CTSC: variants seen among roughly 807,000 people sequenced by gnomAD.
The protein encoded by CTSC is cathepsin C, also known as dipeptidyl peptidase 1.
Under a neutral mutation model 40.9 loss-of-function variants are expected in CTSC, and 37 were observed. The observed-to-expected ratio is 0.91, with a 90% CI of 0.70 to 1.19. The LOEUF is 1.19. CTSC is among the 50% of genes most tolerant of loss of function. The pLI is 0.00. For synonymous variants in CTSC, 232 were observed against 207.4 expected, an observed-to-expected ratio of 1.12 and a Z score of -1.02; for missense variants, 594 against 567.3, an observed-to-expected ratio of 1.05 and a Z score of -0.48.
rs749014522 is a variant in CTSC, at chr11:88,312,533, C to T, written c.340G>A (p.Val114Met). ...ATTGTCTCGTTGCAGTAAGTGGTCA[C>T]CTTGCTGCCCTCTTCTTTATACTGC... ...FFKYKEEGSKVTTYCNETMTG... is the reference protein window; with the variant it reads ...FFKYKEEGSKMTTYCNETMTG... Residue 114 changes from valine (V) to methionine (M), a missense_variant, in exon 3 of 7, where the codon GTG becomes ATG. Val to Met is a conservative substitution (Grantham distance 21, BLOSUM62 1). Transcript: ENST00000227266. 1 of 1,614,144 alleles carries T rather than the reference C, an allele frequency of 6.2e-7. No homozygotes were observed. Among genetic ancestry groups the T allele is most frequent in the South Asian group, 1.1e-5 (1 of 91,076 alleles).
intron 2 of CTSC, among the ~76,000 whole-genome samples, chr11:88,329,689 C>T (rs1167924204): frequency 2.0e-5 from 3 of 152,032 alleles, no homozygotes; most frequent in Non-Finnish European, 4.4e-5. Flanking sequence ...TAAGCATTTT[C>T]ACAGTATTCT....
chr11:88,313,226 C>T (rs111820705), intron 2 of CTSC, among the ~76,000 whole-genome samples: 7,622 of 152,154 alleles, frequency 0.05, 233 homozygotes, highest in East Asian at 0.1. Flanking sequence ...CTTACCACCA[C>T]GCCTGGCTAA....
chr11:88,316,579 A>G (rs1937884157), intron 2 of CTSC, among the ~76,000 whole-genome samples: 1 of 150,656 alleles, frequency 6.6e-6, no homozygotes, highest in South Asian at 2.1e-4. Context: ...ATTTTTCACG[A>G]TAGTCTATCA....
chr11:88,327,277 T>C (rs1938218534), intron 2 of CTSC, among the ~76,000 whole-genome samples: 2 of 152,212 alleles, frequency 1.3e-5, no homozygotes, highest in African/African-American at 4.8e-5. Flanking sequence ...TGGTTCATTA[T>C]AAAGTTTGGA....
Position 88,300,512 on chromosome 11 carries a change from T to G in CTSC, c.757+18A>C. The G allele has an allele frequency of 6.8e-7, 1 of 1,465,716 alleles. No individual in the cohort carries two copies. Among genetic ancestry groups the G allele is most frequent in the Non-Finnish European group, 9.6e-7 (1 of 1,044,642 alleles). The allele number at this position is 1,465,716 out of a possible 1,614,324, so 90.8% of individuals were successfully genotyped here. On this transcript the variant is annotated intron_variant, in intron 5 of 6. Coordinates refer to ENST00000227266, the MANE Select transcript of CTSC (RefSeq NM_001814.6). The stretch of plus-strand genomic sequence containing the variant: ...AGTTCCAAACAAATTAACAAAAAAC[T>G]TAGGCTTATTTTTTTACCTTGGTTT...
At chr11:88,297,440 G>A (rs1479262383) in intron 5 of CTSC, 1 of 152,024 alleles carries the variant, frequency 6.6e-6, no homozygotes, top group Non-Finnish European at 1.5e-5. Flanking sequence ...TGCAACACTG[G>A]ACAACTTACA....
chr11:88,317,394 G>T (rs987326864), intron 2 of CTSC, among the ~76,000 whole-genome samples: 2 of 152,056 alleles, frequency 1.3e-5, no homozygotes, highest in Admixed American at 6.6e-5. Context: ...TAAATTGATG[G>T]AATTATTTTC....
At chr11:88,298,636 A>C (rs1451749089) in intron 5 of CTSC, 1 of 152,232 alleles carries the variant, frequency 6.6e-6, no homozygotes, top group Non-Finnish European at 1.5e-5. Context: ...GAAAGTCAAA[A>C]GAGGAAACTT....
At chr11:88,325,325 G>A in intron 2 of CTSC, 1 of 985,396 alleles carries the variant, frequency 1.0e-6, no homozygotes, top group Non-Finnish European at 1.2e-6. Flanking sequence ...AGGCAAGAAA[G>A]TCAGTAGCCT....
intron 4 of CTSC, among the ~76,000 whole-genome samples, chr11:88,308,765 C>T (rs1417168275): frequency 1.3e-5 from 2 of 152,114 alleles, no homozygotes; most frequent in Non-Finnish European, 2.9e-5. Flanking sequence ...AACTCCATCC[C>T]CCACGTGGCA....
intron 2 of CTSC, among the ~76,000 whole-genome samples, chr11:88,332,264 CA>C (rs887755130): frequency 6.6e-6 from 1 of 152,126 alleles, no homozygotes; most frequent in Non-Finnish European, 1.5e-5. Flanking sequence ...TCTCTTTTTA[CA>C]AAAATAAATT....
At position 88,313,781 on chromosome 11, in the gene CTSC, T is replaced by C. The variant is rs577670868; in HGVS notation, c.319-1227A>G. ...TTTACGAGGCTTTAGTTCTGTTGCC[T>C]GTAAAATATGGAAAGTAGAAAAAAA... is the stretch of plus-strand genomic sequence containing the variant. On this transcript the variant is annotated intron_variant, in intron 2 of 6. Transcript: ENST00000227266. Among the ~76,000 whole-genome samples the C allele has an allele frequency of 1.2e-4, 18 of 152,196 alleles. No homozygotes were observed. The South Asian group carries it at 3.7e-3, about 32-fold the overall frequency.
intron 6 of CTSC, 65 bp from the exon 7 acceptor site, chr11:88,294,573 T>C (rs2134763936): frequency 6.3e-7 from 1 of 1,576,842 alleles, no homozygotes; most frequent in East Asian, 2.2e-5. Flanking sequence ...TTTCTATTTT[T>C]TCTTCTTTGC....
At chr11:88,320,425 TAA>T (rs1388051233) in intron 2 of CTSC, among the ~76,000 whole-genome samples, 1 of 152,204 alleles carries the variant, frequency 6.6e-6, no homozygotes, top group Non-Finnish European at 1.5e-5. Context: ...AAAAAAATCT[TAA>T]GAGTTCATCT....
rs1944277236 is a variant in CTSC, at chr11:88,294,482, T to G, written c.916A>C (p.Ile306Leu). The change falls in exon 7 of 7, where the codon ATT becomes CTT. Residue 306 changes from isoleucine (I) to leucine (L), a missense_variant. Coordinates refer to ENST00000227266, the MANE Select transcript of CTSC (RefSeq NM_001814.6). Reference sequence around the variant, plus strand: ...AAATCTTGGGCGTACTTTCCTGCAATAAGGTATGGGAAGCCGCCTTCACAG... The same window carrying G: ...AAATCTTGGGCGTACTTTCCTGCAAGAAGGTATGGGAAGCCGCCTTCACAG... ...QGCEGGFPYL[I>L]AGKYAQDFGL... 6.2e-7 allele frequency: 1 copy of G among 1,613,962 alleles called. No homozygotes were observed. The highest frequency in any genetic ancestry group is 1.3e-5 in the African/African-American group (1 of 74,904).
At chr11:88,295,395 T>C (rs532295787) in intron 6 of CTSC, among the ~76,000 whole-genome samples, 1 of 152,040 alleles carries the variant, frequency 6.6e-6, no homozygotes, top group Admixed American at 6.6e-5. Flanking sequence ...TTTTTTTTTT[T>C]CATAACAGGG....
Position 88,337,403 on chromosome 11 carries a change from A to G in CTSC, c.172+98T>C, listed in dbSNP as rs974534210. On this transcript the variant is annotated intron_variant, in intron 1 of 6. Transcript: ENST00000227266. ...AGTCAAGATGCTCTGGCCACCCACA[A>G]GCGTCTGCCTGGGGGGAAGCGGTAG... 5 of 1,246,816 alleles carry G rather than the reference A, an allele frequency of 4.0e-6. No homozygotes were observed. In the African/African-American group the frequency reaches 6.0e-5, roughly 15 times the overall value. The allele number at this position is 1,246,816 out of a possible 1,614,324, so 77.2% of individuals were successfully genotyped here.
intron 2 of CTSC, chr11:88,325,704 G>T: frequency 1.0e-6 from 1 of 984,898 alleles, no homozygotes. Flanking sequence ...AAAAAGAAAA[G>T]AAAAAAAATA....
intron 2 of CTSC, chr11:88,328,045 T>C (rs1938239183): frequency 1.0e-6 from 1 of 988,454 alleles, no homozygotes; most frequent in Admixed American, 1.7e-5. Context: ...TTAATTTGCA[T>C]AAGCCATCAG....
Sources: gnomAD v4.1 joint callset for allele counts (sites outside exome capture counted in the v4.1 genomes callset) on GRCh38, gnomAD v4.1.1 for gene constraint, MANE v1.5 for transcripts, NCBI Gene and HGNC (gene_info 2026-07-23, HGNC 2026-07-21) for gene names.